The following MCF2L variants were observed in gnomAD, a reference collection of about 807,000 sequenced individuals.
MCF2L encodes MCF.2 cell line derived transforming sequence like.
MCF2L carries 97 observed loss-of-function variants against 153.4 expected under a neutral mutation model. The observed-to-expected ratio is 0.63, with a 90% CI of 0.54 to 0.75. MCF2L has a LOEUF of 0.75. MCF2L is among the 30% of genes least tolerant of loss of function. MCF2L has a pLI of 0.00. For missense variants in MCF2L, 1,347 were observed against 1,495.2 expected (o/e 0.90, Z 1.64); for synonymous variants, 659 against 632.2 (o/e 1.04, Z -0.64).
intron 2 of MCF2L, among the ~76,000 whole-genome samples, chr13:113,017,655 C>T (rs965073024): frequency 6.6e-6 from 1 of 152,106 alleles, no homozygotes; most frequent in Non-Finnish European, 1.5e-5. Flanking sequence ...CCCTCCCGCC[C>T]CAGCATCACC....
chr13:113,090,588 G>C, intron 26 of MCF2L: 1 of 985,430 alleles, frequency 1.0e-6, no homozygotes, highest in Non-Finnish European at 1.2e-6. Context: ...TGGGACCCTT[G>C]AGACGGAGAC....
At position 113,031,975 on chromosome 13, in the gene MCF2L, T is replaced by C. The variant is rs994193181; in HGVS notation, c.278+7217T>C. ...CCACACACGTGCGCACACACACACA[T>C]GCAAGTGCATGCATACCCCCCCACA... On this transcript the variant is annotated intron_variant, in intron 3 of 29. Transcript: ENST00000535094. This position sits in a 1 kb window ranked among gnomAD's most constrained non-coding sequence, Gnocchi z 5.5. Among the ~76,000 whole-genome samples, 1 of 151,958 alleles carries C rather than the reference T, an allele frequency of 6.6e-6. No individual in the cohort carries two copies.
chr13:112,919,287 G>C (rs2081329401), intron 2 of MCF2L, among the ~76,000 whole-genome samples: 1 of 140,128 alleles, frequency 7.1e-6, no homozygotes, highest in Admixed American at 7.6e-5. Flanking sequence ...CTCACTGCAA[G>C]CTCCGCCTCC....
At chr13:112,915,571 G>A (rs1461141110) in intron 2 of MCF2L, among the ~76,000 whole-genome samples, 1 of 151,872 alleles carries the variant, frequency 6.6e-6, no homozygotes, top group African/African-American at 2.4e-5. Flanking sequence ...AATTACTAGG[G>A]CTGGTGGTCT....
chr13:112,989,734 C>T (rs1045979065), intron 1 of MCF2L, among the ~76,000 whole-genome samples: 3 of 152,130 alleles, frequency 2.0e-5, no homozygotes, highest in Non-Finnish European at 4.4e-5. Flanking sequence ...GGAGCTACCA[C>T]GCCTGAGTCC....
intron 3 of MCF2L, chr13:113,026,718 G>T: frequency 5.1e-6 from 3 of 590,152 alleles, no homozygotes; most frequent in Non-Finnish European, 9.0e-6. Context: ...GCCGCCTCCT[G>T]CCCTTTCCAG....
intron 2 of MCF2L, chr13:112,909,798 C>G (rs2081212178): frequency 6.5e-6 from 1 of 153,224 alleles, no homozygotes; most frequent in African/African-American, 2.4e-5. Flanking sequence ...CACTTTGACA[C>G]CCCGGCTAAT....
chr13:112,987,147 C>T (rs554207189), intron 1 of MCF2L, among the ~76,000 whole-genome samples: 15 of 152,254 alleles, frequency 9.9e-5, no homozygotes, highest in African/African-American at 1.9e-4. Flanking sequence ...TTCCTTCACC[C>T]GGCTGCAGGG....
chr13:112,930,255 A>G (rs551704405), intron 2 of MCF2L, among the ~76,000 whole-genome samples: 130 of 152,340 alleles, frequency 8.5e-4, no homozygotes, highest in African/African-American at 3.0e-3. Context: ...AAGTGTTTAT[A>G]GGAGCTTTAT....
In MCF2L at chr13:113,081,294, G is replaced by T. The variant is rs2236371; in HGVS notation, c.1875+15G>T. 1.3e-6 allele frequency: 2 copies of T among 1,572,678 alleles called. No homozygotes were observed. Among genetic ancestry groups the T allele is most frequent in the Non-Finnish European group, 1.7e-6 (2 of 1,160,494 alleles). On this transcript the variant is annotated intron_variant, in intron 16 of 29. Coordinates refer to ENST00000535094, the MANE Select transcript of MCF2L (RefSeq NM_001112732.3). ...GCGTCCTGGAGGTGAGGCTGGACTCGGGGAGGGCCGACTGCCACGGGGACT... is the reference window on the plus strand; with the variant it reads ...GCGTCCTGGAGGTGAGGCTGGACTCTGGGAGGGCCGACTGCCACGGGGACT...
chr13:113,094,812 C>T, intron 27 of MCF2L, 177 bp downstream of exon 27: 2 of 1,052,040 alleles, frequency 1.9e-6, no homozygotes, highest in Non-Finnish European at 1.4e-6. Context: ...CTAACTCTCT[C>T]TGGAAGGTCC....
In MCF2L at chr13:113,027,816, G is replaced by C. The variant is rs969365598; in HGVS notation, c.278+3058G>C. 6.6e-6 allele frequency among the ~76,000 whole-genome samples: 1 copy of C among 152,228 alleles called. No individual in the cohort carries two copies. Among genetic ancestry groups the C allele is most frequent in the Non-Finnish European group, 1.5e-5 (1 of 68,036 alleles). ...GCTGGAGAAAGGGGATGGCTGGGCA[G>C]GGGAGCGCCCGAAGGCTCAGACCAC... is the stretch of plus-strand genomic sequence containing the variant. On this transcript the variant is annotated intron_variant, in intron 3 of 29. Coordinates refer to ENST00000535094, the MANE Select transcript of MCF2L (RefSeq NM_001112732.3). The surrounding 1 kb of genome is among the most constrained non-coding windows in gnomAD (Gnocchi z 4.8).
At chr13:112,984,888 G>A (rs1454201359) in intron 1 of MCF2L, among the ~76,000 whole-genome samples, 2 of 152,042 alleles carry the variant, frequency 1.3e-5, no homozygotes, top group African/African-American at 4.8e-5. Context: ...CCCTCCAATT[G>A]CCAGTGGTGT....
At chr13:112,969,085 G>GC (rs1274279603), upstream of MCF2L, 4 of 252,108 alleles carry the variant, frequency 1.6e-5, no homozygotes, top group East Asian at 3.3e-4. This position sits in a 1 kb window ranked among gnomAD's most constrained non-coding sequence, Gnocchi z 4.8. Flanking sequence ...AGGTGACCCC[G>GC]GCGGTGCACT....
chr13:112,927,941 G>A (rs2081424718), intron 2 of MCF2L, among the ~76,000 whole-genome samples: 3 of 152,246 alleles, frequency 2.0e-5, no homozygotes, highest in Admixed American at 1.3e-4. Flanking sequence ...CTATGGACTG[G>A]ATAAGATTTT....
chr13:112,917,315 T>C (rs754632942), intron 2 of MCF2L: 2 of 379,302 alleles, frequency 5.3e-6, no homozygotes, highest in Non-Finnish European at 1.1e-5. Context: ...CTCCGTCCAG[T>C]TCCTTTGGCC....
chr13:112,909,222 A>G, intron 2 of MCF2L: 1 of 779,648 alleles, frequency 1.3e-6, no homozygotes, highest in South Asian at 1.3e-5. Flanking sequence ...CTCTCCCCAG[A>G]TGTCTAATCC....
At chr13:112,917,000 A>C in intron 2 of MCF2L, 2 of 457,582 alleles carry the variant, frequency 4.4e-6, no homozygotes, top group Middle Eastern at 6.7e-4. Flanking sequence ...TTCCCACTCC[A>C]GGGCAGTCAT....
At chr13:113,078,294 G>C (rs191293138) in intron 13 of MCF2L, 69 bp from the exon 14 acceptor site, 1 of 1,305,468 alleles carries the variant, frequency 7.7e-7, no homozygotes, top group African/African-American at 1.5e-5. Flanking sequence ...GCCTTTTCCC[G>C]CTGGGTGCAC....
Sources: allele counts gnomAD v4.1 joint callset (sites outside exome capture counted in the v4.1 genomes callset), GRCh38; gene constraint gnomAD v4.1.1; non-coding constraint Gnocchi (gnomAD v3.1); transcripts MANE v1.5; gene names NCBI Gene and HGNC (gene_info 2026-07-23, HGNC 2026-07-21).